Variants in OR9K2 observed in about 807,000 individuals in gnomAD.
OR9K2 encodes olfactory receptor 9K2.
OR9K2 carries 16 observed loss-of-function variants against 12.4 expected under a neutral mutation model. That is an observed-to-expected ratio of 1.29 (90% confidence interval 0.87 to 1.95). The LOEUF is 1.95. OR9K2 is among the 30% of genes most tolerant of loss of function. The probability of loss-of-function intolerance (pLI) is 0.00; values close to 1 mark genes in which losing one functional copy is unlikely to be tolerated. For missense variants in OR9K2, 434 were observed against 376.5 expected (o/e 1.15, Z -1.26); for synonymous variants, 133 against 133.2 (o/e 1.00, Z 0.01).
chr12:55,132,577 T>C lies in OR9K2; in HGVS notation c.*1801T>C, dbSNP rs1953482494. 1 of 152,214 alleles carries C rather than the reference T, an allele frequency of 6.6e-6. No individual in the cohort carries two copies. The allele number at this position is 152,214 out of a possible 1,614,324, so 9.4% of individuals were successfully genotyped here. ...TCTGCTGACACCTTGATCTTGGGCT[T>C]CCAGCCTCTATCACTAAGAAAATTA... On this transcript the variant is annotated 3_prime_UTR_variant, in exon 3 of 3. Coordinates refer to ENST00000641329, the MANE Select transcript of OR9K2 (RefSeq NM_001005243.2).
In OR9K2 at chr12:55,131,343, A is replaced by G. The variant is rs1054223015; in HGVS notation, c.*567A>G. 5.9e-5 allele frequency: 9 copies of G among 152,404 alleles called. No homozygotes were observed. The highest frequency in any genetic ancestry group is 2.2e-4 in the African/African-American group (9 of 41,466). 9.4% of individuals were successfully genotyped at this position (152,404 alleles called of 1,614,324 possible). On this transcript the variant is annotated 3_prime_UTR_variant, in exon 3 of 3. Coordinates refer to ENST00000641329, the MANE Select transcript of OR9K2 (RefSeq NM_001005243.2). ...ATTAATTTGGAAAATGTTGTACTTC[A>G]TTATTGTGGAGTGCTCTAAGGTACT...
In OR9K2 at chr12:55,130,857, A is replaced by T; in HGVS notation, c.*81A>T. ...TCATTAATAAAAGTTACTCTCCCGA[A>T]TGTCATAAAAATACTCTTAGATGTT... On this transcript the variant is annotated 3_prime_UTR_variant, in exon 3 of 3. Coordinates refer to ENST00000641329, the MANE Select transcript of OR9K2 (RefSeq NM_001005243.2). 1.2e-6 allele frequency: 1 copy of T among 807,994 alleles called. No individual in the cohort carries two copies. The highest frequency in any genetic ancestry group is 1.9e-6 in the Non-Finnish European group (1 of 522,864). The allele number at this position is 807,994 out of a possible 1,614,324, so 50.1% of individuals were successfully genotyped here.
In OR9K2 at chr12:55,130,035, C is replaced by G; in HGVS notation, c.201C>G (p.Gly67=). 2 of 1,612,964 alleles carry G rather than the reference C, an allele frequency of 1.2e-6. No individual in the cohort carries two copies. Among genetic ancestry groups the G allele is most frequent in the Non-Finnish European group, 1.7e-6 (2 of 1,179,942 alleles). ...ACACACCAATGTATTTTTTCCTAGG[C>G]AATCTCTCCTTCATTGATCTTTTCT... The part of the protein sequence containing the change: ...RLNTPMYFFL[G]NLSFIDLFYS... The change falls in exon 3 of 3, where the codon GGC becomes GGG. Residue 67 remains glycine, a synonymous_variant. Transcript: ENST00000641329.
rs765790108 is a variant in OR9K2, at chr12:55,129,910, C to A, written c.76C>A (p.Leu26Ile). Residue 26 changes from leucine (L) to isoleucine (I), a missense_variant, in exon 3 of 3, where the codon CTC becomes ATC. By Grantham distance (5) the Leu-to-Ile change is conservative. Coordinates refer to ENST00000641329, the MANE Select transcript of OR9K2 (RefSeq NM_001005243.2). ...ILAGFRVRPE[L>I]HILLFLLFLF... Reference sequence around the variant, plus strand: ...TGCAGGCTTCAGGGTACGCCCAGAGCTCCACATTCTCCTCTTCCTGCTATT... The same window carrying A: ...TGCAGGCTTCAGGGTACGCCCAGAGATCCACATTCTCCTCTTCCTGCTATT... The A allele has an allele frequency of 1.9e-6, 3 of 1,613,914 alleles. No homozygotes were observed. The highest frequency in any genetic ancestry group is 2.2e-5 in the East Asian group (1 of 44,880).
chr12:55,130,657 G>C lies in OR9K2; in HGVS notation c.823G>C (p.Ala275Pro). 6.2e-7 allele frequency: 1 copy of C among 1,613,278 alleles called. No individual in the cohort carries two copies. The highest frequency in any genetic ancestry group is 1.1e-5 in the South Asian group (1 of 91,036). ...PDRFPELSKV[A>P]SLCYSLVTPM... ...CAGATTTCCTGAGCTGAGTAAAGTGGCATCCTTATGTTACTCCCTAGTCAC... is the reference window on the plus strand; with the variant it reads ...CAGATTTCCTGAGCTGAGTAAAGTGCCATCCTTATGTTACTCCCTAGTCAC... The change falls in exon 3 of 3, where the codon GCA becomes CCA. Residue 275 changes from alanine to proline, a missense_variant. Transcript: ENST00000641329.
chr12:55,126,538 A>G (rs1235060841), intron 1 of OR9K2, 22 bp downstream of exon 1: 2 of 152,120 alleles, frequency 1.3e-5, no homozygotes, highest in Non-Finnish European at 1.5e-5. Flanking sequence ...TTATCTATAG[A>G]TTTTTGTTCC....
At chr12:55,128,607 C>T (rs1953444580) in intron 2 of OR9K2, among the ~76,000 whole-genome samples, 1 of 152,008 alleles carries the variant, frequency 6.6e-6, no homozygotes, top group African/African-American at 2.4e-5. Context: ...ACTATGAAAG[C>T]ATTTAGAAAA....
Position 55,130,219 on chromosome 12 carries a change from A to G in OR9K2, c.385A>G (p.Ile129Val), listed in dbSNP as rs200046785. 38 of 1,613,952 alleles carry G rather than the reference A, an allele frequency of 2.4e-5. No individual in the cohort carries two copies. The highest frequency in any genetic ancestry group is 3.0e-5 in the Non-Finnish European group (35 of 1,180,000). Residue 129 changes from isoleucine to valine, a missense_variant, in exon 3 of 3, where the codon ATC becomes GTC. By Grantham distance (29) the Ile-to-Val change is conservative (BLOSUM62 3). Transcript: ENST00000641329. ...AAMAYDRFIA[I>V]CNPLLYSVQM... ...CATGGCTTATGACCGCTTTATTGCC[A>G]TCTGCAACCCTCTGCTCTACTCTGT...
intron 2 of OR9K2, 106 bp downstream of exon 2, chr12:55,127,017 A>T (rs1264278615): frequency 1.3e-5 from 2 of 152,086 alleles, no homozygotes; most frequent in Non-Finnish European, 2.9e-5. Flanking sequence ...AAAAAATGTC[A>T]TCAGCAATGC....
rs978091742 is a variant in OR9K2 at position 55,132,700 on chromosome 12, G to A, written c.*1924G>A. On this transcript the variant is annotated 3_prime_UTR_variant, in exon 3 of 3. Transcript: ENST00000641329. Reference sequence around the variant, plus strand: ...TATAAATTGGAAAAGAAGAGAAAACGTTCCTTGTTTGCAGATAACATATCT... The same window carrying A: ...TATAAATTGGAAAAGAAGAGAAAACATTCCTTGTTTGCAGATAACATATCT... The A allele has an allele frequency of 3.3e-5, 5 of 152,104 alleles. No individual in the cohort carries two copies. The highest frequency in any genetic ancestry group is 6.6e-5 in the Admixed American group (1 of 15,254). 9.4% of individuals were successfully genotyped at this position (152,104 alleles called of 1,614,324 possible).
rs771970295 is a variant in OR9K2, at chr12:55,130,562, C to A, written c.728C>A (p.Thr243Asn). 6.2e-7 allele frequency: 1 copy of A among 1,613,818 alleles called. No individual in the cohort carries two copies. The highest frequency in any genetic ancestry group is 1.1e-5 in the South Asian group (1 of 91,074). ...STEGHKKAFS[T>N]CSSHLGVVSV... is the part of the protein sequence containing the mutation. The stretch of plus-strand genomic sequence containing the variant: ...GAGGGACATAAGAAGGCCTTCTCCA[C>A]CTGCAGCTCTCACCTGGGAGTTGTG... The change falls in exon 3 of 3, where the codon ACC (threonine) becomes AAC (asparagine). Residue 243 changes from threonine (T) to asparagine (N), a missense_variant. Coordinates refer to ENST00000641329, the MANE Select transcript of OR9K2 (RefSeq NM_001005243.2).
At chr12:55,127,309 T>C (rs1054528973) in intron 2 of OR9K2, among the ~76,000 whole-genome samples, 5 of 151,718 alleles carry the variant, frequency 3.3e-5, no homozygotes, top group Non-Finnish European at 7.4e-5. Flanking sequence ...ATGAGTTTGA[T>C]AGAAATAAAT....
rs1953467908 is a variant in OR9K2 at position 55,130,805 on chromosome 12, G to A, written c.*29G>A. 14 of 1,326,608 alleles carry A rather than the reference G, an allele frequency of 1.1e-5. No individual in the cohort carries two copies. The highest frequency in any genetic ancestry group is 1.4e-5 in the Non-Finnish European group (13 of 956,412). The allele number at this position is 1,326,608 out of a possible 1,614,324, so 82.2% of individuals were successfully genotyped here. A position where few individuals can be genotyped will look rare whatever the true frequency, so the allele number is the denominator to read the frequency against. ...TTATTTCTCTTTCACCAATTTTATT[G>A]TGGCTATTTATTTAATACACCTGTG... is the stretch of plus-strand genomic sequence containing the variant. On this transcript the variant is annotated 3_prime_UTR_variant, in exon 3 of 3. Transcript: ENST00000641329.
In OR9K2 at chr12:55,130,712, T is replaced by C; in HGVS notation, c.878T>C (p.Leu293Pro). Residue 293 changes from leucine to proline, a missense_variant, in exon 3 of 3, where the codon CTG (leucine) becomes CCG (proline). Physicochemically the swap from Leu to Pro is moderately conservative, Grantham distance 98. Transcript: ENST00000641329. ...TPMLNPLIYS[L>P]RNKDVQEALK... ...ATGTTGAATCCTTTGATTTACTCTC[T>C]GAGGAACAAAGATGTCCAAGAGGCT... is the stretch of plus-strand genomic sequence containing the variant. 6.2e-7 allele frequency: 1 copy of C among 1,609,656 alleles called. No homozygotes were observed. Among genetic ancestry groups the C allele is most frequent in the South Asian group, 1.1e-5 (1 of 90,946 alleles).
Position 55,130,530 on chromosome 12 carries a change from T to C in OR9K2, c.696T>C (p.His232=), listed in dbSNP as rs7137261. 493,385 of 1,611,738 alleles carry C rather than the reference T, an allele frequency of 0.31. 78,148 individuals carry two copies. The highest frequency in any genetic ancestry group is 0.4 in the African/African-American group (30,203 of 74,830). The change falls in exon 3 of 3, where the codon CAT becomes CAC. Residue 232 remains histidine, a synonymous_variant. Coordinates refer to ENST00000641329, the MANE Select transcript of OR9K2 (RefSeq NM_001005243.2). ...MYIVSTVLKI[H]STEGHKKAFS... ...TTGTGTCCACAGTTCTAAAGATACA[T>C]TCTACTGAGGGACATAAGAAGGCCT...
At position 55,130,145 on chromosome 12, in the gene OR9K2, T is replaced by C. The variant is rs1953460634; in HGVS notation, c.311T>C (p.Leu104Pro). The change falls in exon 3 of 3, where the codon CTC (leucine) becomes CCC (proline). Residue 104 changes from leucine (L) to proline (P), a missense_variant. Leu to Pro is a moderately conservative substitution (Grantham distance 98). Transcript: ENST00000641329. Reference sequence around the variant, plus strand: ...TCCTTTGCAGGCTGTGTGGCCCAGCTCTTTCTCTTTGCCCTCCTCATTGTG... The same window carrying C: ...TCCTTTGCAGGCTGTGTGGCCCAGCCCTTTCTCTTTGCCCTCCTCATTGTG... Reference protein sequence around the residue: ...SISFAGCVAQLFLFALLIVTE... With the variant: ...SISFAGCVAQPFLFALLIVTE... The C allele has an allele frequency of 2.5e-6, 4 of 1,614,042 alleles. No individual in the cohort carries two copies. The highest frequency in any genetic ancestry group is 1.1e-5 in the South Asian group (1 of 91,084).
Position 55,126,812 on chromosome 12 carries a change from T to A in OR9K2, c.-93-16T>A, listed in dbSNP as rs1433206299. ...TTATGACAGTCATTAATTAACTTTA[T>A]GTTTATCCTTTCTAGAATTAAAACA... On this transcript the variant is annotated splice_polypyrimidine_tract_variant and intron_variant, in intron 1 of 2. Transcript: ENST00000641329. 6.6e-6 allele frequency: 1 copy of A among 152,140 alleles called. No individual in the cohort carries two copies. 9.4% of individuals were successfully genotyped at this position (152,140 alleles called of 1,614,324 possible).
At chr12:55,129,059 G>T (rs1953448732) in intron 2 of OR9K2, among the ~76,000 whole-genome samples, 1 of 152,232 alleles carries the variant, frequency 6.6e-6, no homozygotes. Context: ...AAAACCCCAT[G>T]ACACAAGTTT....
Position 55,126,808 on chromosome 12 carries a change from T to G in OR9K2, c.-93-20T>G, listed in dbSNP as rs780471740. 12 of 152,144 alleles carry G rather than the reference T, an allele frequency of 7.9e-5. No individual in the cohort carries two copies. The highest frequency in any genetic ancestry group is 1.0e-4 in the Non-Finnish European group (7 of 67,992). 9.4% of individuals were successfully genotyped at this position (152,144 alleles called of 1,614,324 possible). A position where few individuals can be genotyped will look rare whatever the true frequency, so the allele number is the denominator to read the frequency against. On this transcript the variant is annotated intron_variant, in intron 1 of 2. Transcript: ENST00000641329. The stretch of plus-strand genomic sequence containing the variant: ...ATAATTATGACAGTCATTAATTAAC[T>G]TTATGTTTATCCTTTCTAGAATTAA...
Sources: gnomAD v4.1 joint callset for allele counts (sites outside exome capture counted in the v4.1 genomes callset) on GRCh38, gnomAD v4.1.1 for gene constraint, MANE v1.5 for transcripts, NCBI Gene and HGNC (gene_info 2026-07-23, HGNC 2026-07-21) for gene names.